The following GABRA1 variants were observed in gnomAD, a reference collection of about 807,000 sequenced individuals.
GABRA1 encodes the protein gamma-aminobutyric acid receptor subunit alpha-1.
Under a neutral mutation model 48.9 loss-of-function variants are expected in GABRA1, and 9 were observed. The ratio of observed to expected loss-of-function variants is 0.18; its 90% confidence interval spans 0.11 to 0.32. The LOEUF is 0.32. Ranked by LOEUF, GABRA1 falls within the 10% of genes least tolerant of loss-of-function variation. GABRA1 has a pLI of 1.00. For missense variants in GABRA1, 285 were observed against 553.8 expected (o/e 0.51, Z 4.87); for synonymous variants, 210 against 198.7 (o/e 1.06, Z -0.48).
At chr5:161,891,541 T>C (rs2113448614) in intron 8 of GABRA1, among the ~76,000 whole-genome samples, 1 of 152,258 alleles carries the variant, frequency 6.6e-6, no homozygotes, top group Non-Finnish European at 1.5e-5. Context: ...TGCACTTCTG[T>C]AGAGTTACAT....
At chr5:161,872,996 A>G (rs1179858885) in intron 4 of GABRA1, 121 bp from the exon 5 acceptor site, 8 of 779,030 alleles carry the variant, frequency 1.0e-5, no homozygotes, top group African/African-American at 3.4e-5. Context: ...TTACTTCTAA[A>G]AACATCACCT....
chr5:161,848,747 G>A (rs564628664), intron 1 of GABRA1: 80 of 284,080 alleles, frequency 2.8e-4, no homozygotes, highest in Middle Eastern at 2.8e-3. Flanking sequence ...TCCGCAGGGT[G>A]GGTGGTGGCA....
rs551364606 is a variant in GABRA1, at chr5:161,864,286, C to T, written c.188-1435C>T. 6.2e-4 allele frequency among the ~76,000 whole-genome samples: 94 copies of T among 152,142 alleles called. 3 individuals are homozygous for T. The South Asian group carries it at 0.02, about 32-fold the overall frequency. ...GTTACATATGTATACATGTGCCACGCTGGTGCGCTGCACCCACTAACTCAT... is the reference window on the plus strand; with the variant it reads ...GTTACATATGTATACATGTGCCACGTTGGTGCGCTGCACCCACTAACTCAT... On this transcript the variant is annotated intron_variant, in intron 3 of 9. Transcript: ENST00000393943.
chr5:161,875,972 T>A (rs1276275334), intron 6 of GABRA1, among the ~76,000 whole-genome samples: 2 of 152,158 alleles, frequency 1.3e-5, no homozygotes, highest in Non-Finnish European at 2.9e-5. Context: ...TTAATGGAGA[T>A]CATTGTGTCT....
At chr5:161,883,233 T>C (rs1372346298) in intron 7 of GABRA1, among the ~76,000 whole-genome samples, 1 of 152,142 alleles carries the variant, frequency 6.6e-6, no homozygotes, top group Non-Finnish European at 1.5e-5. Context: ...TTCTACAAAT[T>C]CGTTTGTATC....
chr5:161,859,152 G>T (rs1265770941), intron 3 of GABRA1, among the ~76,000 whole-genome samples: 2 of 151,648 alleles, frequency 1.3e-5, no homozygotes, highest in Non-Finnish European at 3.0e-5. Context: ...TTCTTTGACA[G>T]CGTCAATTAG....
At chr5:161,892,452 T>C (rs1755136651) in intron 8 of GABRA1, among the ~76,000 whole-genome samples, 1 of 152,240 alleles carries the variant, frequency 6.6e-6, no homozygotes, top group Admixed American at 6.5e-5. Flanking sequence ...TGCTTCTAGA[T>C]TGGCAAACAC....
chr5:161,872,639 C>T (rs1321950608), intron 4 of GABRA1, among the ~76,000 whole-genome samples: 1 of 152,212 alleles, frequency 6.6e-6, no homozygotes, highest in South Asian at 2.1e-4. Flanking sequence ...ATATTGGAAT[C>T]ACAATTTACT....
At chr5:161,872,837 G>A (rs937536436) in intron 4 of GABRA1, among the ~76,000 whole-genome samples, 2 of 152,062 alleles carry the variant, frequency 1.3e-5, no homozygotes, top group African/African-American at 4.8e-5. Flanking sequence ...TGGAGGTGGG[G>A]TGTTACTTTC....
At chr5:161,879,150 C>T (rs1581203723) in intron 6 of GABRA1, among the ~76,000 whole-genome samples, 1 of 152,182 alleles carries the variant, frequency 6.6e-6, no homozygotes, top group East Asian at 1.9e-4. Context: ...TCTCTGTTGC[C>T]CAGGCTGGAG....
At chr5:161,855,165 G>C (rs776010401) in intron 3 of GABRA1, among the ~76,000 whole-genome samples, 2 of 151,558 alleles carry the variant, frequency 1.3e-5, no homozygotes, top group African/African-American at 2.4e-5. Context: ...TTTAAATAGT[G>C]ATTAAATGGC....
intron 8 of GABRA1, among the ~76,000 whole-genome samples, chr5:161,894,347 C>T (rs949834764): frequency 6.6e-6 from 1 of 152,072 alleles, no homozygotes; most frequent in African/African-American, 2.4e-5. Flanking sequence ...AATATTTGCT[C>T]AAGTTAATAC....
At chr5:161,847,259 C>T (rs1404416246), upstream of GABRA1, 1 of 152,110 alleles carries the variant, frequency 6.6e-6, no homozygotes, top group African/African-American at 2.4e-5. Context: ...AAAAATTCCT[C>T]CTCTCCCTCT....
At chr5:161,850,739 G>T in intron 1 of GABRA1, 57 bp from the exon 2 acceptor site, 1 of 1,442,382 alleles carries the variant, frequency 6.9e-7, no homozygotes, top group Non-Finnish European at 9.8e-7. Context: ...AGCCCTGGTG[G>T]TTATAACCTG....
intron 5 of GABRA1, 108 bp from the exon 6 acceptor site, chr5:161,875,452 A>T: frequency 1.1e-6 from 1 of 871,524 alleles, no homozygotes; most frequent in Non-Finnish European, 2.0e-6. Flanking sequence ...CCCTGCAATT[A>T]TGCCTTCTTT....
At chr5:161,864,574 CT>C (rs1757981421) in intron 3 of GABRA1, among the ~76,000 whole-genome samples, 1 of 151,562 alleles carries the variant, frequency 6.6e-6, no homozygotes, top group Non-Finnish European at 1.5e-5. Context: ...GGTGAATCAC[CT>C]TTTTTATGTT....
rs552219060 is a variant in GABRA1 at position 161,894,174 on chromosome 5, A to G, written c.857-1492A>G. 3.9e-5 allele frequency among the ~76,000 whole-genome samples: 6 copies of G among 152,302 alleles called. No individual in the cohort carries two copies. The South Asian group carries it at 8.3e-4, about 21-fold the overall frequency. ...ACACTTCATTGCATTACCTTACTTAATATTCATGATAGCCTTCTGAGTTAA... is the reference window on the plus strand; with the variant it reads ...ACACTTCATTGCATTACCTTACTTAGTATTCATGATAGCCTTCTGAGTTAA... On this transcript the variant is annotated intron_variant, in intron 8 of 9. Coordinates refer to ENST00000393943, the MANE Select transcript of GABRA1 (RefSeq NM_001127644.2).
chr5:161,896,301 A>T (rs2113466697), intron 9 of GABRA1, among the ~76,000 whole-genome samples: 1 of 152,294 alleles, frequency 6.6e-6, no homozygotes, highest in Middle Eastern at 3.4e-3. Flanking sequence ...ATAATGCCTC[A>T]ATTAAATTAA....
At position 161,865,562 on chromosome 5, in the gene GABRA1, T is replaced by C. The variant is rs528026477; in HGVS notation, c.188-159T>C. Among the ~76,000 whole-genome samples the C allele has an allele frequency of 5.9e-4, 90 of 152,244 alleles. 2 individuals are homozygous for C. Among genetic ancestry groups the C allele is most frequent in the Middle Eastern group, 6.8e-3 (2 of 294 alleles). ...ATAGAAAATATTAACTGTGAAATTT[T>C]ATGTGTAAGCAGTAAATTATCAGGA... On this transcript the variant is annotated intron_variant, in intron 3 of 9. Coordinates refer to ENST00000393943, the MANE Select transcript of GABRA1 (RefSeq NM_001127644.2).
Sources: gnomAD v4.1 joint callset for allele counts (sites outside exome capture counted in the v4.1 genomes callset) on GRCh38, gnomAD v4.1.1 for gene constraint, MANE v1.5 for transcripts, NCBI Gene and HGNC (gene_info 2026-07-23, HGNC 2026-07-21) for gene names.